The following PLG variants were observed in gnomAD, a reference collection of about 807,000 sequenced individuals.
PLG encodes the protein plasmin.
A neutral mutation model predicts 104.4 loss-of-function variants in PLG; 41 were observed. The ratio of observed to expected loss-of-function variants is 0.39; its 90% CI spans 0.31 to 0.51. PLG has a LOEUF of 0.51. Among genes scored for constraint, PLG ranks in the 20% least tolerant of loss-of-function variants. PLG has a pLI of 0.76. For synonymous variants in PLG, 337 were observed against 357.1 expected, an observed-to-expected ratio of 0.94 and a Z score of 0.63; for missense variants, 891 against 1,003.6, an observed-to-expected ratio of 0.89 and a Z score of 1.52.
At position 160,740,051 on chromosome 6, in the gene PLG, G is replaced by A. The variant is rs4252161; in HGVS notation, c.2018+843G>A. On this transcript the variant is annotated intron_variant, in intron 16 of 18. Transcript: ENST00000308192. This position sits in a 1 kb window ranked among gnomAD's most constrained non-coding sequence, Gnocchi z 5.2. ...GGACAGGTGACAAGGCACGCAGGGC[G>A]CTCGCTGTGCTGGTGGTTCTGGAAG... Among the ~76,000 whole-genome samples the A allele has an allele frequency of 7.7e-3, 1,169 of 152,258 alleles. 16 individuals are homozygous for A. The highest frequency in any genetic ancestry group is 0.027 in the African/African-American group (1,114 of 41,554).
At chr6:160,718,235 A>G (rs906337549) in intron 7 of PLG, 59 bp from the exon 8 acceptor site, 4 of 1,443,306 alleles carry the variant, frequency 2.8e-6, no homozygotes, top group Middle Eastern at 1.7e-4. Flanking sequence ...TGGGCGACAG[A>G]GCGAGACTCC....
chr6:160,748,392 G>GAA (rs1778323811), intron 17 of PLG, among the ~76,000 whole-genome samples: 1 of 45,512 alleles, frequency 2.2e-5, no homozygotes, highest in African/African-American at 7.4e-5. Context: ...AAGAAAGAAA[G>GAA]AAAGAAAGGA....
chr6:160,704,587 G>A (rs573006696), intron 1 of PLG, among the ~76,000 whole-genome samples: 9 of 152,316 alleles, frequency 5.9e-5, no homozygotes, highest in Middle Eastern at 3.4e-3. Flanking sequence ...CAGAAAGTGC[G>A]GGGTAAAGAC....
intron 7 of PLG, among the ~76,000 whole-genome samples, chr6:160,717,402 T>C (rs1431521507): frequency 2.0e-5 from 3 of 152,218 alleles, no homozygotes; most frequent in African/African-American, 4.8e-5. Context: ...TCCTCTGACA[T>C]GTGTCCTTTG....
At chr6:160,707,063 GGGA>G (rs1010410514) in intron 2 of PLG, among the ~76,000 whole-genome samples, 1 of 152,166 alleles carries the variant, frequency 6.6e-6, no homozygotes, top group Non-Finnish European at 1.5e-5. Flanking sequence ...AGAAGGCTCA[GGGA>G]GGAGGTGGGA....
intron 6 of PLG, 143 bp from the exon 7 acceptor site, chr6:160,716,502 C>T: frequency 2.8e-6 from 2 of 704,832 alleles, no homozygotes; most frequent in Non-Finnish European, 5.2e-6. Flanking sequence ...GTTGCCATCT[C>T]TGAACACAGC....
Position 160,738,365 on chromosome 6 carries a change from A to G in PLG, c.1803-173A>G. ...TAGATGGGCCCTTCTCAAAAATCCC[A>G]CTCCTGGAGCACTGGCCAAAATTAC... On this transcript the variant is annotated intron_variant, in intron 14 of 18. Transcript: ENST00000308192. This position sits in a 1 kb window ranked among gnomAD's most constrained non-coding sequence, Gnocchi z 6.8. 1.6e-6 allele frequency: 1 copy of G among 633,486 alleles called. No homozygotes were observed. 39.2% of individuals were successfully genotyped at this position (633,486 alleles called of 1,614,324 possible).
chr6:160,731,988 T>C lies in PLG; in HGVS notation c.1587+95T>C. 7.7e-7 allele frequency: 1 copy of C among 1,292,536 alleles called. No homozygotes were observed. The highest frequency in any genetic ancestry group is 1.2e-5 in the South Asian group (1 of 84,344). 80.1% of individuals were successfully genotyped at this position (1,292,536 alleles called of 1,614,324 possible). Reference sequence around the variant, plus strand: ...TTACAGAAAATCTGACCTGGACTGCTCTTTTTTGTAATGGGGGAGAGGGGA... The same window carrying C: ...TTACAGAAAATCTGACCTGGACTGCCCTTTTTTGTAATGGGGGAGAGGGGA... On this transcript the variant is annotated intron_variant, in intron 12 of 18. Transcript: ENST00000308192. This position sits in a 1 kb window ranked among gnomAD's most constrained non-coding sequence, Gnocchi z 5.1.
chr6:160,750,008 C>G (rs548643624), intron 17 of PLG, among the ~76,000 whole-genome samples: 2 of 152,260 alleles, frequency 1.3e-5, no homozygotes, highest in Admixed American at 6.5e-5. Flanking sequence ...TCAGTCCCAC[C>G]GCCAACCACC....
Position 160,716,732 on chromosome 6 carries a change from G to A in PLG, c.756G>A (p.Lys252=). ...RPWCFTTDPN[K]RWELCDIPRC... Reference sequence around the variant, plus strand: ...GGTGTTTCACCACCGACCCCAACAAGCGCTGGGAACTTTGTGACATCCCCC... The same window carrying A: ...GGTGTTTCACCACCGACCCCAACAAACGCTGGGAACTTTGTGACATCCCCC... Residue 252 remains lysine, a synonymous_variant, in exon 7 of 19, where the codon AAG becomes AAA. Coordinates refer to ENST00000308192, the MANE Select transcript of PLG (RefSeq NM_000301.5). 6.2e-7 allele frequency: 1 copy of A among 1,612,276 alleles called. No homozygotes were observed. The highest frequency in any genetic ancestry group is 8.5e-7 in the Non-Finnish European group (1 of 1,178,292).
chr6:160,715,200 T>C (rs1280430861), intron 6 of PLG, among the ~76,000 whole-genome samples: 7 of 152,244 alleles, frequency 4.6e-5, no homozygotes, highest in Non-Finnish European at 1.0e-4. Context: ...CCTCAGCTGA[T>C]GTGCACACAC....
rs922207946 is a variant in PLG at position 160,735,528 on chromosome 6, G to A, written c.1682-1359G>A. Among the ~76,000 whole-genome samples, 2 of 152,200 alleles carry A rather than the reference G, an allele frequency of 1.3e-5. No individual in the cohort carries two copies. The highest frequency in any genetic ancestry group is 2.4e-5 in the African/African-American group (1 of 41,452). On this transcript the variant is annotated intron_variant, in intron 13 of 18. Coordinates refer to ENST00000308192, the MANE Select transcript of PLG (RefSeq NM_000301.5). This position sits in a 1 kb window ranked among gnomAD's most constrained non-coding sequence, Gnocchi z 5.4. ...GGTCCCCCACCTAACCTTGATGTGAGACAAGTGAGGTTAACCCCAAGCCTG... is the reference window on the plus strand; with the variant it reads ...GGTCCCCCACCTAACCTTGATGTGAAACAAGTGAGGTTAACCCCAAGCCTG...
chr6:160,711,903 C>CTATTATTTAT, intron 4 of PLG: 1 of 1,353,858 alleles, frequency 7.4e-7, no homozygotes, highest in East Asian at 2.9e-5. Context: ...TGCAACTTGC[C>CTATTATTTAT]TATTATTTAT....
In PLG at chr6:160,725,517, G is replaced by A. The variant is rs1292682787; in HGVS notation, c.1256+2950G>A. Among the ~76,000 whole-genome samples, 1 of 151,696 alleles carries A rather than the reference G, an allele frequency of 6.6e-6. No individual in the cohort carries two copies. The highest frequency in any genetic ancestry group is 1.5e-5 in the Non-Finnish European group (1 of 67,914). ...GAATGTTCCATTTATCCAAAAGAAG[G>A]AAAGAAAGGAAGAAAAAAGAATGAA... On this transcript the variant is annotated intron_variant, in intron 10 of 18. Coordinates refer to ENST00000308192, the MANE Select transcript of PLG (RefSeq NM_000301.5). This position sits in a 1 kb window ranked among gnomAD's most constrained non-coding sequence, Gnocchi z 6.3.
rs558232166 is a variant in PLG at position 160,749,626 on chromosome 6, C to T, written c.2126-2489C>T. Among the ~76,000 whole-genome samples, 1,404 of 150,936 alleles carry T rather than the reference C, an allele frequency of 9.3e-3. 18 individuals are homozygous for T. Among genetic ancestry groups the T allele is most frequent in the African/African-American group, 0.029 (1,169 of 40,920 alleles). On this transcript the variant is annotated intron_variant, in intron 17 of 18. Coordinates refer to ENST00000308192, the MANE Select transcript of PLG (RefSeq NM_000301.5). ...ATCATCACTACCATTATCACCACCA[C>T]CATCATCACCACCACCACTACCACC...
At position 160,734,179 on chromosome 6, in the gene PLG, G is replaced by A; in HGVS notation, c.1681+91G>A. 1.4e-6 allele frequency: 1 copy of A among 734,640 alleles called. No homozygotes were observed. Among genetic ancestry groups the A allele is most frequent in the East Asian group, 2.8e-5 (1 of 35,218 alleles). 45.5% of individuals were successfully genotyped at this position (734,640 alleles called of 1,614,324 possible). A position where few individuals can be genotyped will look rare whatever the true frequency, so the allele number is the denominator to read the frequency against. On this transcript the variant is annotated intron_variant, in intron 13 of 18. Transcript: ENST00000308192. This position sits in a 1 kb window ranked among gnomAD's most constrained non-coding sequence, Gnocchi z 4.4. The stretch of plus-strand genomic sequence containing the variant: ...AGGGCTTCTGAGCAGACTGCTTCTG[G>A]GGAGGAGATAGCTGCCCTCTCCATC...
In PLG at chr6:160,722,413, C is replaced by G; in HGVS notation, c.1102C>G (p.Pro368Ala). Residue 368 changes from proline (P) to alanine (A), a missense_variant, in exon 10 of 19, where the codon CCT becomes GCT. Physicochemically the swap from Pro to Ala is conservative, Grantham distance 27 (BLOSUM62 -1). Around this residue, in one of 2 missense-constraint regions of PLG, gnomAD observed 854 missense variants for 932.1 expected, o/e 0.92. Transcript: ENST00000308192. ...STEQLAPTAP[P>A]ELTPVVQDCY... ...TTCTTTTATTTTAATTTCAGCACCA[C>G]CTGAGCTAACCCCTGTGGTCCAGGA... is the stretch of plus-strand genomic sequence containing the variant. The G allele has an allele frequency of 6.2e-7, 1 of 1,610,876 alleles. No individual in the cohort carries two copies. Among genetic ancestry groups the G allele is most frequent in the African/African-American group, 1.3e-5 (1 of 74,894 alleles).
intron 17 of PLG, among the ~76,000 whole-genome samples, chr6:160,750,881 G>A (rs1433492037): frequency 3.3e-5 from 5 of 152,092 alleles, no homozygotes; most frequent in African/African-American, 1.2e-4. Flanking sequence ...TGTCTATCTG[G>A]AAAAACGGCA....
At position 160,719,612 on chromosome 6, in the gene PLG, C is replaced by T. The variant is rs1777797376; in HGVS notation, c.1096+774C>T. 6.6e-6 allele frequency among the ~76,000 whole-genome samples: 1 copy of T among 152,098 alleles called. No homozygotes were observed. Among genetic ancestry groups the T allele is most frequent in the Non-Finnish European group, 1.5e-5 (1 of 68,000 alleles). On this transcript the variant is annotated intron_variant, in intron 9 of 18. Coordinates refer to ENST00000308192, the MANE Select transcript of PLG (RefSeq NM_000301.5). This position sits in a 1 kb window ranked among gnomAD's most constrained non-coding sequence, Gnocchi z 4.1. ...TGTTCCTTTTTTCATCTTTTTCTGC[C>T]TTCATTTAGATTGAGTTTATCTCCA...
Sources: gnomAD v4.1 joint callset for allele counts (sites outside exome capture counted in the v4.1 genomes callset) on GRCh38, gnomAD v4.1.1 for gene constraint, gnomAD v4.1.1 regional missense constraint, Gnocchi (gnomAD v3.1) non-coding constraint, MANE v1.5 for transcripts, NCBI Gene and HGNC (gene_info 2026-07-23, HGNC 2026-07-21) for gene names.